The following IQGAP1 variants were observed in gnomAD, a reference collection of about 807,000 sequenced individuals.
IQGAP1 encodes ras GTPase-activating-like protein IQGAP1.
Under a neutral mutation model 215.6 loss-of-function variants are expected in IQGAP1, and 66 were observed. That is an observed-to-expected ratio of 0.31 (90% CI 0.25 to 0.38). IQGAP1 has a LOEUF of 0.38. Among genes scored for constraint, IQGAP1 ranks in the 10% least tolerant of loss-of-function variants. The pLI is 1.00. For missense variants in IQGAP1, 1,712 were observed against 1,997.1 expected, an observed-to-expected ratio of 0.86 and a Z score of 2.72; for synonymous variants, 772 against 728.7, an observed-to-expected ratio of 1.06 and a Z score of -0.96.
chr15:90,403,276 T>C (rs1430543684), intron 2 of IQGAP1, among the ~76,000 whole-genome samples: 1 of 152,236 alleles, frequency 6.6e-6, no homozygotes, highest in African/African-American at 2.4e-5. Flanking sequence ...ACATGCTATG[T>C]CATTAGTTTG....
At chr15:90,499,786 A>G (rs186515824) in intron 37 of IQGAP1, among the ~76,000 whole-genome samples, 170 of 152,322 alleles carry the variant, frequency 1.1e-3, no homozygotes, top group African/African-American at 3.2e-3. Context: ...CCCTTGGCCA[A>G]TGTGCCCTAT....
At chr15:90,495,852 T>G (rs1966265569) in intron 36 of IQGAP1, among the ~76,000 whole-genome samples, 2 of 150,396 alleles carry the variant, frequency 1.3e-5, no homozygotes, top group African/African-American at 4.9e-5. Context: ...TTGGCCAGGC[T>G]AATCTCAAAC....
chr15:90,447,382 C>T (rs894062699), intron 9 of IQGAP1, among the ~76,000 whole-genome samples: 1 of 152,168 alleles, frequency 6.6e-6, no homozygotes, highest in South Asian at 2.1e-4. Context: ...CCCTACTTCC[C>T]ATTTTCTAGT....
intron 3 of IQGAP1, among the ~76,000 whole-genome samples, chr15:90,426,695 C>T (rs182076537): frequency 1.8e-4 from 28 of 152,130 alleles, no homozygotes; most frequent in Admixed American, 7.2e-4. Context: ...TGGCTCACGC[C>T]GGTAATCCCA....
Position 90,472,945 on chromosome 15 carries a change from C to T in IQGAP1, c.2284C>T (p.Arg762Ter), listed in dbSNP as rs1454159884. Residue 762 changes from arginine to a stop codon, truncating the protein, a stop_gained, in exon 19 of 38, where the codon CGA (arginine) becomes TGA (stop). Transcript: ENST00000268182. LOFTEE classifies it high-confidence loss of function. Reference sequence around the variant, plus strand: ...GGCTCGCTGCCGTGGATACTTAGTTCGACAGGAATTCCGATCCAGGATGAA... The same window carrying T: ...GGCTCGCTGCCGTGGATACTTAGTTTGACAGGAATTCCGATCCAGGATGAA... Reference protein sequence around the residue: ...LQARCRGYLVRQEFRSRMNFL... With the variant: ...LQARCRGYLV The T allele has an allele frequency of 1.2e-6, 2 of 1,613,794 alleles. No individual in the cohort carries two copies. The highest frequency in any genetic ancestry group is 8.5e-7 in the Non-Finnish European group (1 of 1,179,896).
chr15:90,398,889 C>T (rs1209068975), intron 2 of IQGAP1, among the ~76,000 whole-genome samples: 2 of 151,106 alleles, frequency 1.3e-5, no homozygotes, highest in Non-Finnish European at 3.0e-5. Flanking sequence ...GCTTGTAATC[C>T]CAGCTACTCT....
At chr15:90,496,553 C>G (rs1279725021) in intron 36 of IQGAP1, among the ~76,000 whole-genome samples, 1 of 151,952 alleles carries the variant, frequency 6.6e-6, no homozygotes, top group African/African-American at 2.4e-5. Context: ...CTCGATCTGA[C>G]CTCGTGATCC....
At chr15:90,467,241 TTA>T (rs1965844829) in intron 17 of IQGAP1, among the ~76,000 whole-genome samples, 1 of 152,230 alleles carries the variant, frequency 6.6e-6, no homozygotes, top group Non-Finnish European at 1.5e-5. Flanking sequence ...TATTTTCTTC[TTA>T]TAGACATAAA....
In IQGAP1 at chr15:90,453,135, A is replaced by T. The variant is rs1161934227; in HGVS notation, c.1330A>T (p.Asn444Tyr). 1 of 1,610,182 alleles carries T rather than the reference A, an allele frequency of 6.2e-7. No homozygotes were observed. Among genetic ancestry groups the T allele is most frequent in the Non-Finnish European group, 8.5e-7 (1 of 1,178,394 alleles). The change falls in exon 13 of 38, where the codon AAT becomes TAT. Residue 444 changes from asparagine to tyrosine, a missense_variant. Transcript: ENST00000268182. ...CCTTCTGTCCCTTTCTGTACAGCAT[A>T]ATCTCACCCACCCAGAGCTCTCTGT... ...ATLQRQSPEH[N>Y]LTHPELSVAV...
intron 2 of IQGAP1, among the ~76,000 whole-genome samples, chr15:90,392,161 A>C (rs143618919): frequency 1.8e-4 from 28 of 152,294 alleles, no homozygotes; most frequent in African/African-American, 6.7e-4. Flanking sequence ...GGCAAACACT[A>C]ACCTGTATTT....
chr15:90,461,121 A>C (rs1001871579), intron 15 of IQGAP1, among the ~76,000 whole-genome samples: 2 of 152,052 alleles, frequency 1.3e-5, no homozygotes, highest in African/African-American at 4.8e-5. Flanking sequence ...AGCCTGGCCA[A>C]CATGGTGAAA....
intron 23 of IQGAP1, among the ~76,000 whole-genome samples, chr15:90,475,245 C>A (rs1051497180): frequency 6.6e-6 from 1 of 151,982 alleles, no homozygotes; most frequent in Non-Finnish European, 1.5e-5. Context: ...GTGATCCACC[C>A]GCCTCAGCCT....
At chr15:90,390,070 G>T (rs375978040) in intron 1 of IQGAP1, among the ~76,000 whole-genome samples, 27 of 152,304 alleles carry the variant, frequency 1.8e-4, no homozygotes, top group African/African-American at 5.8e-4. Flanking sequence ...ACTGAGTGAT[G>T]TAGACTGCAC....
At chr15:90,429,850 T>TA in intron 4 of IQGAP1, 184 bp downstream of exon 4, 1 of 431,408 alleles carries the variant, frequency 2.3e-6, no homozygotes, top group Admixed American at 4.1e-5. Context: ...ATAATCCTCA[T>TA]ACCTGTTTCA....
chr15:90,482,802 G>C lies in IQGAP1; in HGVS notation c.3555+521G>C, dbSNP rs554780004. ...AAACTCTAGGGGAAATGCTGTGACT[G>C]CCCCTGAATTCTTCTGTGGAAGAGA... On this transcript the variant is annotated intron_variant, in intron 28 of 37. Transcript: ENST00000268182. 8.2e-5 allele frequency: 65 copies of C among 788,902 alleles called. No homozygotes were observed. The South Asian group carries it at 3.2e-3, about 39-fold the overall frequency. 48.9% of individuals were successfully genotyped at this position (788,902 alleles called of 1,614,324 possible). A position where few individuals can be genotyped will look rare whatever the true frequency, so the allele number is the denominator to read the frequency against.
intron 2 of IQGAP1, among the ~76,000 whole-genome samples, chr15:90,407,332 T>C (rs1014470609): frequency 8.5e-5 from 13 of 152,216 alleles, no homozygotes; most frequent in Non-Finnish European, 8.8e-5. Flanking sequence ...AATCAGAATC[T>C]CAGAAGCTCA....
Position 90,388,326 on chromosome 15 carries a change from C to T in IQGAP1, c.-16C>T. The T allele has an allele frequency of 6.3e-7, 1 of 1,596,288 alleles. No individual in the cohort carries two copies. ...GGTTTCACGGCTTCCTCAGCAGAGA[C>T]TCGGGCTCGTCCGCCATGTCCGCCG... On this transcript the variant is annotated 5_prime_UTR_variant, in exon 1 of 38. Coordinates refer to ENST00000268182, the MANE Select transcript of IQGAP1 (RefSeq NM_003870.4).
At chr15:90,493,587 G>A (rs1429502271) in intron 35 of IQGAP1, among the ~76,000 whole-genome samples, 1 of 152,190 alleles carries the variant, frequency 6.6e-6, no homozygotes, top group African/African-American at 2.4e-5. Flanking sequence ...CGAATGAATA[G>A]AACAATAAGC....
chr15:90,415,820 C>T (rs1965039090), intron 2 of IQGAP1, among the ~76,000 whole-genome samples: 1 of 152,182 alleles, frequency 6.6e-6, no homozygotes, highest in Non-Finnish European at 1.5e-5. Context: ...TTGAATCTGT[C>T]GTCCATGCTG....
Sources: gnomAD v4.1 joint callset for allele counts (sites outside exome capture counted in the v4.1 genomes callset) on GRCh38, gnomAD v4.1.1 for gene constraint, MANE v1.5 for transcripts, NCBI Gene and HGNC (gene_info 2026-07-23, HGNC 2026-07-21) for gene names.